KLRK1: variants seen among roughly 807,000 people sequenced by gnomAD.
KLRK1 encodes NKG2-D type II integral membrane protein.
A neutral mutation model predicts 31.3 loss-of-function variants in KLRK1; 40 were observed. The observed-to-expected ratio is 1.28, with a 90% CI of 0.99 to 1.67. KLRK1 has a LOEUF of 1.67. Among genes scored for constraint, KLRK1 ranks in the 40% most tolerant of loss-of-function variants. The pLI, the probability that KLRK1 is intolerant of heterozygous loss-of-function variation, is 0.00. For synonymous variants in KLRK1, 77 were observed against 77.3 expected (o/e 1.00, Z 0.02); for missense variants, 251 against 260.0 (o/e 0.97, Z 0.24).
chr12:10,380,259 G>A (rs1591582368), intron 3 of KLRK1, among the ~76,000 whole-genome samples: 1 of 151,890 alleles, frequency 6.6e-6, no homozygotes, highest in Non-Finnish European at 1.5e-5. Flanking sequence ...TAGAGATAGG[G>A]TTTCACCGTG....
Position 10,378,568 on chromosome 12 carries a change from T to C in KLRK1, c.415A>G (p.Ser139Gly), listed in dbSNP as rs1236786930. 6.2e-7 allele frequency: 1 copy of C among 1,612,356 alleles called. No individual in the cohort carries two copies. Among genetic ancestry groups the C allele is most frequent in the Non-Finnish European group, 8.5e-7 (1 of 1,179,722 alleles). Residue 139 changes from serine to glycine, a missense_variant, in exon 6 of 8, where the codon AGC becomes GGC. Ser to Gly is a moderately conservative substitution (Grantham distance 56). Coordinates refer to ENST00000240618, the MANE Select transcript of KLRK1 (RefSeq NM_007360.4). ...SQNASLLKVY[S>G]KEDQDLLKLV... ...AAATACTCAACCTGGTCCTCTTTGC[T>C]GTATACTTTCAGAAGGCTGGCATTT...
rs538042732 is a variant in KLRK1 at position 10,376,589 on chromosome 12, A to G, written c.533+1543T>C. Among the ~76,000 whole-genome samples, 3 of 152,294 alleles carry G rather than the reference A, an allele frequency of 2.0e-5. No homozygotes were observed. In the East Asian group the frequency reaches 5.8e-4, roughly 29 times the overall value. On this transcript the variant is annotated intron_variant, in intron 7 of 7. Coordinates refer to ENST00000240618, the MANE Select transcript of KLRK1 (RefSeq NM_007360.4). ...AGAAAAAAAGGTTTCAAATCAACAT[A>G]TCAGCTTTCAATATAAGAAACTAAA...
intron 3 of KLRK1, among the ~76,000 whole-genome samples, chr12:10,382,824 A>G (rs1863099766): frequency 6.6e-6 from 1 of 152,208 alleles, no homozygotes; most frequent in African/African-American, 2.4e-5. Flanking sequence ...AATCCATACA[A>G]ACATAAGTCA....
At chr12:10,389,030 T>C in intron 1 of KLRK1, 155 bp from the exon 2 acceptor site, 1 of 503,084 alleles carries the variant, frequency 2.0e-6, no homozygotes, top group South Asian at 3.8e-5. Context: ...CAGGCAAAAT[T>C]AATTTTATAC....
intron 3 of KLRK1, among the ~76,000 whole-genome samples, chr12:10,381,519 G>A (rs985957413): frequency 6.6e-6 from 1 of 152,028 alleles, no homozygotes; most frequent in African/African-American, 2.4e-5. Flanking sequence ...AAACATTATG[G>A]CTACAGAGAA....
At chr12:10,378,510 GT>G (rs776408468) in intron 6 of KLRK1, 43 bp downstream of exon 6, 23 of 1,601,262 alleles carry the variant, frequency 1.4e-5, no homozygotes, top group Non-Finnish European at 1.7e-5. Flanking sequence ...TGTCTCAGAT[GT>G]TAGGATTAAA....
intron 7 of KLRK1, among the ~76,000 whole-genome samples, chr12:10,374,690 A>C (rs1862931018): frequency 6.6e-6 from 1 of 152,110 alleles, no homozygotes. Flanking sequence ...CATTCTTTTT[A>C]ATATCACTTT....
chr12:10,374,722 C>G (rs1414024350), intron 7 of KLRK1, among the ~76,000 whole-genome samples: 1 of 152,150 alleles, frequency 6.6e-6, no homozygotes, highest in African/African-American at 2.4e-5. Flanking sequence ...CCTTCGATTT[C>G]TTTCTCTGTT....
intron 3 of KLRK1, 21 bp from the exon 4 acceptor site, chr12:10,379,813 A>G: frequency 1.2e-6 from 2 of 1,604,358 alleles, no homozygotes; most frequent in East Asian, 2.2e-5. Context: ...AAAAAGACAC[A>G]GATCAGAGAA....
At chr12:10,383,746 T>C (rs1863118429) in intron 3 of KLRK1, among the ~76,000 whole-genome samples, 1 of 152,080 alleles carries the variant, frequency 6.6e-6, no homozygotes, top group Non-Finnish European at 1.5e-5. Context: ...GACCATATGC[T>C]AGGTGATAAG....
At position 10,373,086 on chromosome 12, in the gene KLRK1, T is replaced by C. The variant is rs770797017; in HGVS notation, c.*28A>G. The C allele has an allele frequency of 2.4e-5, 38 of 1,598,196 alleles. 1 individual carries two copies. In the South Asian group the frequency reaches 3.8e-4, roughly 16 times the overall value. On this transcript the variant is annotated 3_prime_UTR_variant, in exon 8 of 8. Transcript: ENST00000240618. ...GCTGGTGTAATCTCTTCTCTGTTCC[T>C]GGCTTTTATTGAGATGGTTGATCAT...
Position 10,379,785 on chromosome 12 carries a change from T to A in KLRK1, c.156A>T (p.Pro52=), listed in dbSNP as rs768301216. The change falls in exon 4 of 8, where the codon CCA becomes CCT. Residue 52 remains proline (P), a synonymous_variant. Transcript: ENST00000240618. ...VKSKCRENAS[P]FFFCCFIAVA... ...CAGCGATGAAGCAGCAGAAAAAAAA[T>A]GGAGATGCTGTCAAAGAAAAAAGAC... 1.2e-6 allele frequency: 2 copies of A among 1,610,016 alleles called. No individual in the cohort carries two copies. Among genetic ancestry groups the A allele is most frequent in the South Asian group, 2.2e-5 (2 of 90,164 alleles).
At position 10,378,252 on chromosome 12, in the gene KLRK1, A is replaced by ATAAAC. The variant is rs59841358; in HGVS notation, c.430-22_430-18dup. 4,849 of 1,607,586 alleles carry ATAAAC rather than the reference A, an allele frequency of 3.0e-3. 123 individuals are homozygous for ATAAAC. In the African/African-American group the frequency reaches 0.059, roughly 19 times the overall value. On this transcript the variant is annotated splice_polypyrimidine_tract_variant and intron_variant, in intron 6 of 7. Coordinates refer to ENST00000240618, the MANE Select transcript of KLRK1 (RefSeq NM_007360.4). ...AAGTAAATCCTGTTTGAAACCACAA[A>ATAAAC]TAAACTATAAGTAAAATCAGTGTTG...
At chr12:10,375,719 A>G in intron 7 of KLRK1, among the ~76,000 whole-genome samples, 1 of 152,214 alleles carries the variant, frequency 6.6e-6, no homozygotes, top group Non-Finnish European at 1.5e-5. Flanking sequence ...GTTGTAGCTG[A>G]ATGAAGAAAT....
intron 7 of KLRK1, among the ~76,000 whole-genome samples, chr12:10,375,102 C>T (rs1282925627): frequency 1.3e-5 from 2 of 152,058 alleles, no homozygotes; most frequent in Admixed American, 6.5e-5. Flanking sequence ...CTAAGGTATA[C>T]TGGGGCTTCC....
intron 3 of KLRK1, among the ~76,000 whole-genome samples, chr12:10,384,320 C>G (rs1863128906): frequency 6.6e-6 from 1 of 151,972 alleles, no homozygotes. Context: ...ATGAAGAAAA[C>G]TGGTGGCATC....
intron 2 of KLRK1, 40 bp downstream of exon 2, chr12:10,388,731 T>A (rs751192742): frequency 6.2e-7 from 1 of 1,612,992 alleles, no homozygotes; most frequent in South Asian, 1.1e-5. Flanking sequence ...CTTAAAATTG[T>A]ATAAAAACAA....
chr12:10,374,169 A>T (rs535759687), intron 7 of KLRK1: 1 of 152,254 alleles, frequency 6.6e-6, no homozygotes, highest in Non-Finnish European at 1.5e-5. Context: ...ATGTGCCACC[A>T]CATCCGGCTA....
intron 7 of KLRK1, among the ~76,000 whole-genome samples, chr12:10,374,659 G>A (rs529093953): frequency 2.2e-4 from 33 of 152,280 alleles, no homozygotes; most frequent in African/African-American, 7.9e-4. Context: ...GATCACAGGC[G>A]TGAGCCACTG....
Sources: gnomAD v4.1 joint callset for allele counts (sites outside exome capture counted in the v4.1 genomes callset) on GRCh38, gnomAD v4.1.1 for gene constraint, MANE v1.5 for transcripts, NCBI Gene and HGNC (gene_info 2026-07-23, HGNC 2026-07-21) for gene names.